B4GALT1: variants seen among roughly 807,000 people sequenced by gnomAD.
B4GALT1 encodes N-acetyllactosamine synthase.
B4GALT1 carries 16 observed loss-of-function variants against 34.9 expected under a neutral mutation model. The observed-to-expected ratio is 0.46, with a 90% CI of 0.31 to 0.70. The LOEUF is 0.70. Among genes scored for constraint, B4GALT1 ranks in the 30% least tolerant of loss-of-function variants. The probability of loss-of-function intolerance (pLI) is 0.05; values close to 1 mark genes in which losing one functional copy is unlikely to be tolerated. For synonymous variants in B4GALT1, 221 were observed against 218.1 expected, an observed-to-expected ratio of 1.01 and a Z score of -0.12; for missense variants, 445 against 530.5, an observed-to-expected ratio of 0.84 and a Z score of 1.58.
chr9:33,173,717 G>A, the B4GALT1 span, among the ~76,000 whole-genome samples: 1 of 151,580 alleles, frequency 6.6e-6, no homozygotes, highest in Non-Finnish European at 1.5e-5. Context: ...CCAATAAAAG[G>A]ACCTAGGTAT....
At chr9:33,141,351 A>G (rs1015745101) in intron 1 of B4GALT1, among the ~76,000 whole-genome samples, 1 of 151,960 alleles carries the variant, frequency 6.6e-6, no homozygotes, top group Admixed American at 6.6e-5. Context: ...ACTAAACCCC[A>G]TCTCTATTAA....
chr9:33,123,747 T>C (rs1233854058), intron 2 of B4GALT1, among the ~76,000 whole-genome samples: 3 of 152,236 alleles, frequency 2.0e-5, no homozygotes, highest in Admixed American at 6.5e-5. Context: ...CTCCCAGGAA[T>C]TGGAATTTTG....
chr9:33,134,410 A>G (rs1009919272), intron 2 of B4GALT1, among the ~76,000 whole-genome samples: 1 of 152,232 alleles, frequency 6.6e-6, no homozygotes, highest in Non-Finnish European at 1.5e-5. Flanking sequence ...GTTATAGTCT[A>G]AAAACATGAA....
chr9:33,106,408 G>A (rs750590), downstream of B4GALT1, among the ~76,000 whole-genome samples: 533 of 152,290 alleles, frequency 3.5e-3, 6 homozygotes, highest in African/African-American at 0.012. Context: ...CACCCTGTCC[G>A]CATCCCTGTG....
intron 2 of B4GALT1, among the ~76,000 whole-genome samples, chr9:33,123,786 A>G (rs1174847643): frequency 6.6e-6 from 1 of 152,206 alleles, no homozygotes; most frequent in Non-Finnish European, 1.5e-5. Context: ...TCTGCAGCCA[A>G]GGCCCATGAG....
In B4GALT1 at chr9:33,111,261, A is replaced by AC. The variant is rs1424674399; in HGVS notation, c.*2192_*2193insG. The AC allele has an allele frequency of 6.7e-6, 1 of 148,874 alleles. No individual in the cohort carries two copies. Among genetic ancestry groups the AC allele is most frequent in the Non-Finnish European group, 1.5e-5 (1 of 67,218 alleles). 9.2% of individuals were successfully genotyped at this position (148,874 alleles called of 1,614,324 possible). ...AATGAGAAGGTAACCAAAAAAAAAA[A>AC]AAAAAAAAAAAAAAAAACAACAAGA... On this transcript the variant is annotated 3_prime_UTR_variant, in exon 6 of 6. Transcript: ENST00000379731.
intron 1 of B4GALT1, among the ~76,000 whole-genome samples, chr9:33,136,362 G>A (rs1298847493): frequency 2.0e-5 from 3 of 152,146 alleles, no homozygotes; most frequent in African/African-American, 7.2e-5. Context: ...TGTGGTACAC[G>A]TGGTGCAGTC....
chr9:33,157,654 TTC>T (rs1461955754), intron 1 of B4GALT1, among the ~76,000 whole-genome samples: 3 of 152,182 alleles, frequency 2.0e-5, no homozygotes, highest in Non-Finnish European at 2.9e-5. Context: ...TGGGAGCATG[TTC>T]TGTTACAATG....
At chr9:33,114,102 C>T (rs958772294) in intron 4 of B4GALT1, among the ~76,000 whole-genome samples, 1 of 152,214 alleles carries the variant, frequency 6.6e-6, no homozygotes, top group Non-Finnish European at 1.5e-5. Flanking sequence ...GTGTTGACTA[C>T]CATGTGCCAG....
chr9:33,128,810 G>C (rs1462642874), intron 2 of B4GALT1, among the ~76,000 whole-genome samples: 1 of 152,108 alleles, frequency 6.6e-6, no homozygotes, highest in African/African-American at 2.4e-5. Flanking sequence ...CTCACTAATG[G>C]GATAGACCCA....
intron 4 of B4GALT1, among the ~76,000 whole-genome samples, chr9:33,114,186 A>C (rs1325380746): frequency 6.6e-6 from 1 of 152,236 alleles, no homozygotes; most frequent in African/African-American, 2.4e-5. Context: ...GCCAGGATGG[A>C]GGTGAGAAGA....
chr9:33,142,765 A>G (rs1242001353), intron 1 of B4GALT1, among the ~76,000 whole-genome samples: 1 of 152,124 alleles, frequency 6.6e-6, no homozygotes. Flanking sequence ...CAGCTAAGTG[A>G]GAAACATTTT....
At chr9:33,147,969 G>A (rs984390822) in intron 1 of B4GALT1, among the ~76,000 whole-genome samples, 3 of 152,058 alleles carry the variant, frequency 2.0e-5, no homozygotes, top group African/African-American at 7.2e-5. Flanking sequence ...AGGATTGCGA[G>A]GCCACAATGA....
chr9:33,111,868 C>G lies in B4GALT1; in HGVS notation c.*1586G>C, dbSNP rs1292507867. 6.6e-6 allele frequency: 1 copy of G among 152,560 alleles called. No individual in the cohort carries two copies. The highest frequency in any genetic ancestry group is 1.5e-5 in the Non-Finnish European group (1 of 68,062). The allele number at this position is 152,560 out of a possible 1,614,324, so 9.5% of individuals were successfully genotyped here. On this transcript the variant is annotated 3_prime_UTR_variant, in exon 6 of 6. Transcript: ENST00000379731. ...ACAGCCCTGTGGGTGGGAGCCTCAA[C>G]TGGGGTGGGAGCACCTGTGAAAACC...
chr9:33,153,527 G>A (rs937378405), intron 1 of B4GALT1, among the ~76,000 whole-genome samples: 1 of 152,046 alleles, frequency 6.6e-6, no homozygotes, highest in Non-Finnish European at 1.5e-5. Flanking sequence ...TAATGAAAGA[G>A]GGACTATCCC....
chr9:33,114,898 C>A (rs371291535), intron 4 of B4GALT1, among the ~76,000 whole-genome samples: 1 of 152,228 alleles, frequency 6.6e-6, no homozygotes, highest in South Asian at 2.1e-4. Flanking sequence ...TAGATGCCTG[C>A]GGATGCTCCC....
upstream of B4GALT1, among the ~76,000 whole-genome samples, chr9:33,168,029 T>C (rs1587756865): frequency 6.6e-6 from 1 of 152,158 alleles, no homozygotes; most frequent in Non-Finnish European, 1.5e-5. Context: ...GCGGGAGTCC[T>C]GTATACTTTG....
At chr9:33,113,744 G>A (rs776744004) in intron 5 of B4GALT1, 30 bp downstream of exon 5, 2 of 1,612,764 alleles carry the variant, frequency 1.2e-6, no homozygotes, top group Non-Finnish European at 1.7e-6. Context: ...TCCTAAAGGG[G>A]GAAGGAGTAT....
chr9:33,173,022 A>C, the B4GALT1 span, among the ~76,000 whole-genome samples: 1 of 152,152 alleles, frequency 6.6e-6, no homozygotes, highest in African/African-American at 2.4e-5. Flanking sequence ...CATGGTAGGA[A>C]GTCTCCTGTG....
Sources: allele counts gnomAD v4.1 joint callset (sites outside exome capture counted in the v4.1 genomes callset), GRCh38; gene constraint gnomAD v4.1.1; transcripts MANE v1.5; gene names NCBI Gene and HGNC (gene_info 2026-07-23, HGNC 2026-07-21).